The following SVOPL variants were observed in gnomAD, a reference collection of about 807,000 sequenced individuals.
SVOPL encodes the protein SVOP like.
In SVOPL, 60 loss-of-function variants were observed where a neutral mutation model predicts 61.0. That is an observed-to-expected ratio of 0.98 (90% CI 0.80 to 1.22). The LOEUF (loss-of-function observed/expected upper bound fraction) is 1.22, where lower values mean the gene tolerates loss of function less well. Ranked by LOEUF, SVOPL falls within the 50% of genes most tolerant of loss-of-function variation. The pLI is 0.00. For synonymous variants in SVOPL, 279 were observed against 250.0 expected (o/e 1.12, Z -1.09); for missense variants, 662 against 643.9 (o/e 1.03, Z -0.30).
Position 138,621,038 on chromosome 7 carries a change from G to C in SVOPL, c.1353+8C>G, listed in dbSNP as rs775100560. 3.7e-6 allele frequency: 6 copies of C among 1,612,924 alleles called. No individual in the cohort carries two copies. The South Asian group carries it at 5.5e-5, about 15-fold the overall frequency. On this transcript the variant is annotated splice_region_variant and intron_variant, in intron 14 of 15. Transcript: ENST00000674285. The stretch of plus-strand genomic sequence containing the variant: ...CTCTCTCTCTCCCTGCAGGGTCCTT[G>C]GCTGTACCTGGGATATAAATGGTGC...
intron 9 of SVOPL, among the ~76,000 whole-genome samples, chr7:138,643,422 C>CAAAAAAAAAA (rs36014220): frequency 1.5e-5 from 1 of 67,344 alleles, no homozygotes; most frequent in African/African-American, 5.2e-5. Context: ...GACTCCATCT[C>CAAAAAAAAAA]AAAAAAAAAA....
At chr7:138,676,426 C>T (rs369854316) in intron 3 of SVOPL, among the ~76,000 whole-genome samples, 17 of 152,152 alleles carry the variant, frequency 1.1e-4, no homozygotes, top group African/African-American at 3.9e-4. Flanking sequence ...CCTACTCCCT[C>T]GTGTCCTTCG....
At chr7:138,623,350 G>A (rs551332259) in intron 13 of SVOPL, among the ~76,000 whole-genome samples, 3 of 151,986 alleles carry the variant, frequency 2.0e-5, no homozygotes, top group Non-Finnish European at 2.9e-5. Context: ...CCTGTAATCC[G>A]AGCACTTTGG....
chr7:138,646,975 A>G (rs1209551753), intron 8 of SVOPL, among the ~76,000 whole-genome samples: 2 of 152,216 alleles, frequency 1.3e-5, no homozygotes, highest in Non-Finnish European at 2.9e-5. Flanking sequence ...GGGCTTGTCC[A>G]GAAGAAAATG....
rs187499303 is a variant in SVOPL at position 138,596,017 on chromosome 7, G to A, written c.1467+400C>T. On this transcript the variant is annotated intron_variant, in intron 15 of 15. Transcript: ENST00000674285. ...AGCCTGGCCAACATGGTGAAACCTC[G>A]TCTCTACCAAAAATACAAAAAATTA... 2.4e-3 allele frequency among the ~76,000 whole-genome samples: 371 copies of A among 151,810 alleles called. 3 individuals are homozygous for A. Among genetic ancestry groups the A allele is most frequent in the African/African-American group, 8.4e-3 (349 of 41,416 alleles).
intron 14 of SVOPL, among the ~76,000 whole-genome samples, chr7:138,620,126 T>C (rs1232308493): frequency 8.8e-6 from 1 of 113,552 alleles, no homozygotes; most frequent in Non-Finnish European, 1.8e-5. Context: ...TCTGTTTTGT[T>C]TTTTTTTTTT....
At chr7:138,596,072 C>T (rs1798262014) in intron 15 of SVOPL, among the ~76,000 whole-genome samples, 1 of 151,536 alleles carries the variant, frequency 6.6e-6, no homozygotes, top group African/African-American at 2.4e-5. Flanking sequence ...GCATGTAGTC[C>T]CAGCTACTTG....
chr7:138,692,697 A>G (rs1443135296), intron 1 of SVOPL, among the ~76,000 whole-genome samples: 1 of 152,186 alleles, frequency 6.6e-6, no homozygotes, highest in Non-Finnish European at 1.5e-5. Flanking sequence ...AGAAATAAAT[A>G]GAATCTTCAT....
intron 14 of SVOPL, among the ~76,000 whole-genome samples, chr7:138,609,735 G>GTT: frequency 8.3e-6 from 1 of 121,064 alleles, no homozygotes; most frequent in East Asian, 2.6e-4. Flanking sequence ...GGGTGGGGGC[G>GTT]TTGGGGGTGG....
intron 1 of SVOPL, among the ~76,000 whole-genome samples, chr7:138,686,854 G>A (rs577936456): frequency 2.2e-4 from 33 of 152,174 alleles, no homozygotes; most frequent in African/African-American, 6.7e-4. Flanking sequence ...ATGAGCCACC[G>A]CACCTGGCCT....
In SVOPL at chr7:138,628,216, G is replaced by A; in HGVS notation, c.1011C>T (p.His337=). Reference sequence around the variant, plus strand: ...TCCGATAGTCAGAGGGTGCAAACATGTGGCAGTAGCAGGGGCTCTGGCTCT... The same window carrying A: ...TCCGATAGTCAGAGGGTGCAAACATATGGCAGTAGCAGGGGCTCTGGCTCT... The part of the protein sequence containing the change: ...SGESQSPCYC[H]MFAPSDYRTM... The change falls in exon 11 of 16, where the codon CAC becomes CAT. Residue 337 remains histidine, a synonymous_variant. Coordinates refer to ENST00000674285, the MANE Select transcript of SVOPL (RefSeq NM_001139456.2). 1 of 1,614,178 alleles carries A rather than the reference G, an allele frequency of 6.2e-7. No individual in the cohort carries two copies. The highest frequency in any genetic ancestry group is 8.5e-7 in the Non-Finnish European group (1 of 1,180,032).
At chr7:138,598,984 G>A (rs1798393514) in intron 14 of SVOPL, among the ~76,000 whole-genome samples, 1 of 151,612 alleles carries the variant, frequency 6.6e-6, no homozygotes, top group East Asian at 1.9e-4. Context: ...AGTTGGCTGG[G>A]CAGAGTAGCA....
chr7:138,633,521 C>G (rs1407854793), intron 9 of SVOPL, among the ~76,000 whole-genome samples: 1 of 152,142 alleles, frequency 6.6e-6, no homozygotes, highest in South Asian at 2.1e-4. Flanking sequence ...TGAGGCCTCA[C>G]CAGAAGCCAC....
chr7:138,616,342 T>TTC (rs1799301543), intron 14 of SVOPL, among the ~76,000 whole-genome samples: 1 of 150,634 alleles, frequency 6.6e-6, no homozygotes, highest in Non-Finnish European at 1.5e-5. Flanking sequence ...CTTTAATACT[T>TTC]TTTTTTTTTT....
intron 14 of SVOPL, among the ~76,000 whole-genome samples, chr7:138,615,373 C>T (rs183473086): frequency 2.0e-5 from 3 of 152,154 alleles, no homozygotes; most frequent in Admixed American, 2.0e-4. Context: ...CTGGCTAACA[C>T]AGTGAAACCC....
chr7:138,616,754 GT>G (rs1273257427), intron 14 of SVOPL, among the ~76,000 whole-genome samples: 1 of 152,102 alleles, frequency 6.6e-6, no homozygotes, highest in African/African-American at 2.4e-5. Flanking sequence ...ATCTTAAAAT[GT>G]TCTTAAAGTT....
At chr7:138,603,907 C>T (rs977993441) in intron 14 of SVOPL, among the ~76,000 whole-genome samples, 70 of 150,048 alleles carry the variant, frequency 4.7e-4, no homozygotes, top group Non-Finnish European at 8.6e-4. Flanking sequence ...ATTTGGCTTT[C>T]GATAAACCTT....
At chr7:138,596,160 G>T (rs962781377) in intron 15 of SVOPL, among the ~76,000 whole-genome samples, 3 of 141,926 alleles carry the variant, frequency 2.1e-5, no homozygotes, top group Non-Finnish European at 4.5e-5. Context: ...CTGCACTCCA[G>T]CCTGGGCAAC....
intron 1 of SVOPL, among the ~76,000 whole-genome samples, chr7:138,682,922 C>T (rs1390083589): frequency 7.5e-6 from 1 of 132,554 alleles, no homozygotes; most frequent in African/African-American, 3.0e-5. Context: ...AAGCAGCGAT[C>T]AAGCCATTGC....
Sources: gnomAD v4.1 joint callset for allele counts (sites outside exome capture counted in the v4.1 genomes callset) on GRCh38, gnomAD v4.1.1 for gene constraint, MANE v1.5 for transcripts, NCBI Gene and HGNC (gene_info 2026-07-23, HGNC 2026-07-21) for gene names.